The following LRRC4C variants were observed in gnomAD, a reference collection of about 807,000 sequenced individuals.
LRRC4C encodes leucine rich repeat containing 4C, also known as leucine-rich repeat-containing protein 4C.
A neutral mutation model predicts 33.6 loss-of-function variants in LRRC4C; 5 were observed. That is an observed-to-expected ratio of 0.15 (90% CI 0.08 to 0.31). The LOEUF is 0.31. LRRC4C is among the 10% of genes least tolerant of loss of function. The probability of loss-of-function intolerance (pLI) is 1.00; values close to 1 mark genes in which losing one functional copy is unlikely to be tolerated. For missense variants in LRRC4C, 560 were observed against 796.7 expected, an observed-to-expected ratio of 0.70 and a Z score of 3.58; for synonymous variants, 329 against 302.0, an observed-to-expected ratio of 1.09 and a Z score of -0.93.
chr11:40,295,655 G>A (rs1276180866), intron 4 of LRRC4C, among the ~76,000 whole-genome samples: 2 of 152,094 alleles, frequency 1.3e-5, no homozygotes, highest in Non-Finnish European at 2.9e-5. Flanking sequence ...ATGCTGTAAC[G>A]TGCATCTCAG....
In LRRC4C at chr11:40,507,266, T is replaced by C. The variant is rs867361119; in HGVS notation, c.-270+140876A>G. The stretch of plus-strand genomic sequence containing the variant: ...TTAGACAAAATATCTGGTTTAGGTA[T>C]ATACAAGGAAAGACTGCAAATCCGG... On this transcript the variant is annotated intron_variant, in intron 3 of 6. Coordinates refer to ENST00000528697, the MANE Select transcript of LRRC4C (RefSeq NM_001258419.2). Among the ~76,000 whole-genome samples the C allele has an allele frequency of 9.2e-5, 14 of 152,198 alleles. No individual in the cohort carries two copies. In the South Asian group the frequency reaches 2.3e-3, roughly 25 times the overall value.
chr11:40,837,085 C>T (rs1242676375), intron 2 of LRRC4C, among the ~76,000 whole-genome samples: 1 of 152,032 alleles, frequency 6.6e-6, no homozygotes, highest in African/African-American at 2.4e-5. Flanking sequence ...AAAATGAGAT[C>T]CTCCGTTTTA....
Position 40,644,240 on chromosome 11 carries a change from G to A in LRRC4C, c.-270+3902C>T, listed in dbSNP as rs571643028. On this transcript the variant is annotated intron_variant, in intron 3 of 6. Transcript: ENST00000528697. The stretch of plus-strand genomic sequence containing the variant: ...GAAACTAATAGCATGGCCGTAAAGC[G>A]CAAAACTGATAAATGGGACTTCATC... Among the ~76,000 whole-genome samples the A allele has an allele frequency of 8.5e-5, 13 of 152,244 alleles. No individual in the cohort carries two copies. The East Asian group carries it at 1.9e-3, about 23-fold the overall frequency.
At chr11:40,871,750 T>A (rs144143360) in intron 2 of LRRC4C, among the ~76,000 whole-genome samples, 1 of 152,236 alleles carries the variant, frequency 6.6e-6, no homozygotes, top group Non-Finnish European at 1.5e-5. Context: ...AGGCATTTGT[T>A]CCCAAACATA....
chr11:40,386,500 A>C (rs1234215434), intron 3 of LRRC4C, among the ~76,000 whole-genome samples: 2 of 152,178 alleles, frequency 1.3e-5, no homozygotes, highest in Non-Finnish European at 2.9e-5. Flanking sequence ...CTATATAACA[A>C]TTAAGTAGGT....
intron 1 of LRRC4C, among the ~76,000 whole-genome samples, chr11:41,111,084 C>T (rs765145820): frequency 2.6e-5 from 4 of 151,948 alleles, no homozygotes; most frequent in Non-Finnish European, 5.9e-5. Flanking sequence ...TGTTTTAACT[C>T]ATGTAAGCCA....
intron 1 of LRRC4C, among the ~76,000 whole-genome samples, chr11:41,419,407 G>A (rs949615030): frequency 7.3e-5 from 11 of 151,666 alleles, no homozygotes; most frequent in African/African-American, 1.9e-4. Flanking sequence ...AAGAAACATC[G>A]AGAGATTGAT....
chr11:41,264,002 C>T (rs1949066169), intron 1 of LRRC4C, among the ~76,000 whole-genome samples: 1 of 152,052 alleles, frequency 6.6e-6, no homozygotes, highest in Admixed American at 6.6e-5. Context: ...AATCAATCTA[C>T]TTGATACTTC....
chr11:40,759,153 T>C (rs1050723083), intron 2 of LRRC4C, among the ~76,000 whole-genome samples: 1 of 147,232 alleles, frequency 6.8e-6, no homozygotes, highest in African/African-American at 2.5e-5. Context: ...TCCATATATA[T>C]GTAAAACTAA....
At chr11:40,217,374 T>C (rs1368664670) in intron 5 of LRRC4C, among the ~76,000 whole-genome samples, 3 of 152,078 alleles carry the variant, frequency 2.0e-5, no homozygotes, top group Non-Finnish European at 4.4e-5. Context: ...ATATGCAACA[T>C]ATTATTTTTC....
intron 1 of LRRC4C, among the ~76,000 whole-genome samples, chr11:41,091,583 A>G (rs1167586197): frequency 2.0e-5 from 3 of 152,092 alleles, no homozygotes; most frequent in African/African-American, 7.2e-5. Context: ...AACAGATCCC[A>G]TGTTATTCTC....
At position 40,662,568 on chromosome 11, in the gene LRRC4C, G is replaced by A. The variant is rs571112802; in HGVS notation, c.-406-14290C>T. On this transcript the variant is annotated intron_variant, in intron 2 of 6. Transcript: ENST00000528697. ...ACATAGCTTTAGCTCCATGAAGTCC[G>A]TGTTCACGAAAAGAAACTGGCCAGG... is the stretch of plus-strand genomic sequence containing the variant. 9.2e-5 allele frequency among the ~76,000 whole-genome samples: 14 copies of A among 152,268 alleles called. No individual in the cohort carries two copies. The East Asian group carries it at 1.7e-3, about 19-fold the overall frequency.
chr11:40,799,282 A>G (rs1170500773), intron 2 of LRRC4C, among the ~76,000 whole-genome samples: 1 of 152,154 alleles, frequency 6.6e-6, no homozygotes, highest in Non-Finnish European at 1.5e-5. Flanking sequence ...TTTTCTGATA[A>G]TATATGTGGA....
chr11:41,166,829 T>C (rs531368194), intron 1 of LRRC4C, among the ~76,000 whole-genome samples: 1 of 152,160 alleles, frequency 6.6e-6, no homozygotes. Flanking sequence ...CAAACACATG[T>C]ATGATGCTTA....
rs191071612 is a variant in LRRC4C, at chr11:40,176,973, G to A, written c.-95-36120C>T. Among the ~76,000 whole-genome samples the A allele has an allele frequency of 6.4e-3, 704 of 110,480 alleles. 20 individuals carry two copies. In the Admixed American group the frequency reaches 0.078, roughly 12 times the overall value. The allele number at this position is 110,480 out of a possible 152,430, so 72.5% of individuals were successfully genotyped here. On this transcript the variant is annotated intron_variant, in intron 5 of 6. Transcript: ENST00000528697. Reference sequence around the variant, plus strand: ...TTTTGAGATGGAGTCTCGCTCTGTCGCCCAGGCTGGAGTGCAGTGGTGTGA... The same window carrying A: ...TTTTGAGATGGAGTCTCGCTCTGTCACCCAGGCTGGAGTGCAGTGGTGTGA...
chr11:40,379,947 T>A (rs941482307), intron 3 of LRRC4C, among the ~76,000 whole-genome samples: 7 of 152,264 alleles, frequency 4.6e-5, no homozygotes, highest in African/African-American at 1.7e-4. Flanking sequence ...TAATGAGTCC[T>A]GTGGATGACT....
At chr11:41,130,952 T>C (rs1000869640) in intron 1 of LRRC4C, among the ~76,000 whole-genome samples, 47 of 152,074 alleles carry the variant, frequency 3.1e-4, no homozygotes, top group African/African-American at 1.1e-3. Flanking sequence ...AAAATCTTTT[T>C]TTTGCAGGTA....
intron 5 of LRRC4C, among the ~76,000 whole-genome samples, chr11:40,146,664 A>T (rs1590518351): frequency 6.6e-6 from 1 of 152,194 alleles, no homozygotes; most frequent in East Asian, 1.9e-4. Context: ...GTCATCTACA[A>T]ATAGTCCTCC....
intron 1 of LRRC4C, among the ~76,000 whole-genome samples, chr11:41,086,293 T>C (rs1323406807): frequency 6.6e-6 from 1 of 152,170 alleles, no homozygotes; most frequent in Non-Finnish European, 1.5e-5. Context: ...ACTATGCTGA[T>C]ATAAATCATT....
Sources: allele counts gnomAD v4.1 joint callset (sites outside exome capture counted in the v4.1 genomes callset), GRCh38; gene constraint gnomAD v4.1.1; transcripts MANE v1.5; gene names NCBI Gene and HGNC (gene_info 2026-07-23, HGNC 2026-07-21).